Variants in VGLL4 observed in about 807,000 individuals in gnomAD.
VGLL4 encodes the protein transcription cofactor vestigial-like protein 4.
VGLL4 carries 7 observed loss-of-function variants against 21.0 expected under a neutral mutation model. The ratio of observed to expected loss-of-function variants is 0.33; its 90% CI spans 0.19 to 0.63. The LOEUF (loss-of-function observed/expected upper bound fraction) is 0.63, where lower values mean the gene tolerates loss of function less well. VGLL4 is among the 20% of genes least tolerant of loss of function. VGLL4 has a pLI of 0.78. For synonymous variants in VGLL4, 222 were observed against 173.2 expected, an observed-to-expected ratio of 1.28 and a Z score of -2.21; for missense variants, 394 against 425.7, an observed-to-expected ratio of 0.93 and a Z score of 0.66.
chr3:11,705,330 A>T (rs545494671), intron 1 of VGLL4, among the ~76,000 whole-genome samples: 21 of 152,306 alleles, frequency 1.4e-4, no homozygotes, highest in African/African-American at 4.3e-4. Context: ...AGCCGCGGGG[A>T]GGCAGGAAAA....
chr3:11,587,712 C>G (rs1280045950), intron 2 of VGLL4, among the ~76,000 whole-genome samples: 1 of 152,212 alleles, frequency 6.6e-6, no homozygotes, highest in African/African-American at 2.4e-5. Flanking sequence ...TCTCTCTGCC[C>G]TGTGAGACTC....
intron 2 of VGLL4, among the ~76,000 whole-genome samples, chr3:11,589,556 T>A (rs1246988218): frequency 6.6e-6 from 1 of 152,196 alleles, no homozygotes; most frequent in Admixed American, 6.5e-5. Flanking sequence ...ATGGGGCAAG[T>A]ATGCTCCAAG....
intron 2 of VGLL4, among the ~76,000 whole-genome samples, chr3:11,585,445 A>AAG (rs200204453): frequency 6.6e-5 from 10 of 150,992 alleles, no homozygotes; most frequent in African/African-American, 1.2e-4. Context: ...AAAAAAAAAA[A>AAG]AGAGAGAGAG....
At chr3:11,667,392 C>T (rs1029814733) in intron 2 of VGLL4, among the ~76,000 whole-genome samples, 1 of 152,218 alleles carries the variant, frequency 6.6e-6, no homozygotes, top group Non-Finnish European at 1.5e-5. Flanking sequence ...TTTAGCATGT[C>T]ACCTTCTACC....
chr3:11,590,058 C>A (rs765228117), intron 2 of VGLL4, among the ~76,000 whole-genome samples: 1 of 152,214 alleles, frequency 6.6e-6, no homozygotes, highest in Non-Finnish European at 1.5e-5. Context: ...AAGGTGCTAA[C>A]ATGCAGGAGC....
chr3:11,609,917 G>A (rs2075023511), intron 1 of VGLL4, among the ~76,000 whole-genome samples: 1 of 152,180 alleles, frequency 6.6e-6, no homozygotes, highest in Non-Finnish European at 1.5e-5. Context: ...ATAGATTTTT[G>A]ACAAAGATCT....
intron 2 of VGLL4, among the ~76,000 whole-genome samples, chr3:11,583,728 T>C (rs6766130): frequency 0.66 from 100,541 of 152,078 alleles, 34,019 homozygotes; most frequent in Non-Finnish European, 0.75. Flanking sequence ...ACAGTGGCCA[T>C]AGCCCCCTCA....
At chr3:11,681,795 G>C (rs1230765787) in intron 2 of VGLL4, among the ~76,000 whole-genome samples, 1 of 152,206 alleles carries the variant, frequency 6.6e-6, no homozygotes, top group East Asian at 1.9e-4. Context: ...ATGCAAAGGA[G>C]CCAGCGAGTA....
chr3:11,610,448 G>T (rs570875401), intron 1 of VGLL4: 17 of 152,330 alleles, frequency 1.1e-4, no homozygotes, highest in African/African-American at 4.1e-4. Flanking sequence ...CCAAGCGCAA[G>T]GATCGCCTGC....
rs143151862 is a variant in VGLL4, at chr3:11,639,621, C to T, written c.82+3816G>A. ...GGCGCGGTGGCTCACACCTGTAATCCCAGCACTTTGGAAGGCCAAGGCGGG... is the reference window on the plus strand; with the variant it reads ...GGCGCGGTGGCTCACACCTGTAATCTCAGCACTTTGGAAGGCCAAGGCGGG... On this transcript the variant is annotated intron_variant, in intron 1 of 4. Transcript: ENST00000430365. Among the ~76,000 whole-genome samples, 377 of 152,306 alleles carry T rather than the reference C, an allele frequency of 2.5e-3. 2 individuals carry two copies. Among genetic ancestry groups the T allele is most frequent in the African/African-American group, 8.5e-3 (355 of 41,572 alleles).
intron 2 of VGLL4, among the ~76,000 whole-genome samples, chr3:11,689,008 G>A (rs1274307575): frequency 6.6e-6 from 1 of 151,804 alleles, no homozygotes; most frequent in African/African-American, 2.4e-5. Flanking sequence ...GGGACTGAGT[G>A]AGACTCCATC....
intron 1 of VGLL4, among the ~76,000 whole-genome samples, chr3:11,628,862 CTTTAAA>C (rs753933510): frequency 8.5e-5 from 13 of 152,226 alleles, no homozygotes; most frequent in Admixed American, 5.2e-4. Flanking sequence ...CTGCTAATAA[CTTTAAA>C]TTTAAATATG....
intron 1 of VGLL4, among the ~76,000 whole-genome samples, chr3:11,640,187 T>C (rs2075662716): frequency 6.6e-6 from 1 of 152,176 alleles, no homozygotes; most frequent in Non-Finnish European, 1.5e-5. Flanking sequence ...TGATTTTTTT[T>C]TGAGTCAGCC....
chr3:11,581,845 TG>T (rs2125225869), intron 2 of VGLL4, among the ~76,000 whole-genome samples: 1 of 152,228 alleles, frequency 6.6e-6, no homozygotes, highest in African/African-American at 2.4e-5. Context: ...CTGGACTGAG[TG>T]GGAAGAAAAA....
intron 2 of VGLL4, among the ~76,000 whole-genome samples, chr3:11,666,927 C>G (rs962937469): frequency 6.6e-6 from 1 of 152,180 alleles, no homozygotes; most frequent in Admixed American, 6.5e-5. Flanking sequence ...CTCTCAGGTT[C>G]CCCCTCTCCA....
In VGLL4 at chr3:11,568,174, T is replaced by A. The variant is rs1363868445; in HGVS notation, c.273-3155A>T. Among the ~76,000 whole-genome samples the A allele has an allele frequency of 6.6e-6, 1 of 152,204 alleles. No homozygotes were observed. The highest frequency in any genetic ancestry group is 1.5e-5 in the Non-Finnish European group (1 of 68,034). ...CCCCGGGTGGCATGGAGGAGCAGAC[T>A]AAAGGTCAGGCGTCTGCCCATGTCC... is the stretch of plus-strand genomic sequence containing the variant. On this transcript the variant is annotated intron_variant, in intron 2 of 4. Transcript: ENST00000430365. This position sits in a 1 kb window ranked among gnomAD's most constrained non-coding sequence, Gnocchi z 5.9.
At chr3:11,595,029 C>T (rs1225385920) in intron 2 of VGLL4, among the ~76,000 whole-genome samples, 1 of 152,132 alleles carries the variant, frequency 6.6e-6, no homozygotes, top group African/African-American at 2.4e-5. Flanking sequence ...GGCATGGTGG[C>T]GCATGCCTAT....
intron 1 of VGLL4, among the ~76,000 whole-genome samples, chr3:11,717,156 T>A (rs928981251): frequency 2.0e-5 from 3 of 151,592 alleles, no homozygotes; most frequent in Non-Finnish European, 2.9e-5. Flanking sequence ...TTTAGTAACA[T>A]GTTTTTATAT....
intron 2 of VGLL4, among the ~76,000 whole-genome samples, chr3:11,693,469 C>A (rs1422861750): frequency 6.6e-6 from 1 of 152,216 alleles, no homozygotes; most frequent in Non-Finnish European, 1.5e-5. Flanking sequence ...TATAGACTCA[C>A]ACCATCCTTC....
Sources: gnomAD v4.1 joint callset for allele counts (sites outside exome capture counted in the v4.1 genomes callset) on GRCh38, gnomAD v4.1.1 for gene constraint, Gnocchi (gnomAD v3.1) non-coding constraint, MANE v1.5 for transcripts, NCBI Gene and HGNC (gene_info 2026-07-23, HGNC 2026-07-21) for gene names.